Variants in CDC123 observed in about 807,000 individuals in gnomAD.
The protein encoded by CDC123 is translation initiation factor eIF2 assembly protein.
In CDC123, 37 loss-of-function variants were observed where a neutral mutation model predicts 54.4. The ratio of observed to expected loss-of-function variants is 0.68; its 90% confidence interval spans 0.52 to 0.89. The LOEUF (loss-of-function observed/expected upper bound fraction) is 0.89, where lower values mean the gene tolerates loss of function less well. Ranked by LOEUF, CDC123 falls within the 40% of genes least tolerant of loss-of-function variation. The pLI, the probability that CDC123 is intolerant of heterozygous loss-of-function variation, is 0.00. For missense variants in CDC123, 361 were observed against 412.1 expected (o/e 0.88, Z 1.07); for synonymous variants, 144 against 136.8 (o/e 1.05, Z -0.37).
chr10:12,242,398 A>T (rs117334547), intron 10 of CDC123, among the ~76,000 whole-genome samples: 5,232 of 152,074 alleles, frequency 0.034, 116 homozygotes, highest in African/African-American at 0.039. Flanking sequence ...CCATTGTTGG[A>T]TGGCTTTTGG....
chr10:12,238,338 A>G (rs1836006306), intron 9 of CDC123, 119 bp from the exon 10 acceptor site: 1 of 1,097,322 alleles, frequency 9.1e-7, no homozygotes, highest in African/African-American at 1.6e-5. Flanking sequence ...AGAAGCATGA[A>G]GTCCTCAGGG....
intron 10 of CDC123, 94 bp downstream of exon 10, chr10:12,238,579 C>T: frequency 6.8e-7 from 1 of 1,462,394 alleles, no homozygotes; most frequent in South Asian, 1.3e-5. Context: ...AGGATCCATG[C>T]TCAAAAAATA....
intron 4 of CDC123, among the ~76,000 whole-genome samples, chr10:12,212,391 CA>C (rs1399967953): frequency 1.3e-5 from 2 of 152,178 alleles, no homozygotes; most frequent in Admixed American, 1.3e-4. Flanking sequence ...TGTGACATGA[CA>C]AAAAGATGCC....
At chr10:12,232,684 A>G (rs1156244893) in intron 7 of CDC123, among the ~76,000 whole-genome samples, 1 of 152,194 alleles carries the variant, frequency 6.6e-6, no homozygotes, top group Non-Finnish European at 1.5e-5. Flanking sequence ...AACTTTATAT[A>G]ATATAGTCAC....
At chr10:12,239,434 C>T (rs372068981) in intron 10 of CDC123, among the ~76,000 whole-genome samples, 9 of 152,210 alleles carry the variant, frequency 5.9e-5, no homozygotes, top group Middle Eastern at 6.8e-3. Context: ...TTATTTTGGC[C>T]GGGTGCAGTG....
At chr10:12,219,561 C>A (rs1835706090) in intron 6 of CDC123, among the ~76,000 whole-genome samples, 2 of 152,128 alleles carry the variant, frequency 1.3e-5, no homozygotes, top group South Asian at 4.1e-4. Flanking sequence ...TAGGAGATAC[C>A]CTCTGAAAAA....
chr10:12,217,263 C>A, intron 5 of CDC123, 98 bp from the exon 6 acceptor site: 1 of 1,172,974 alleles, frequency 8.5e-7, no homozygotes, highest in Non-Finnish European at 1.2e-6. Context: ...TTCCTTAAAC[C>A]CTTGAAGTGA....
chr10:12,223,505 T>TG (rs1835764134), intron 6 of CDC123, among the ~76,000 whole-genome samples: 1 of 152,046 alleles, frequency 6.6e-6, no homozygotes, highest in South Asian at 2.1e-4. Context: ...AGGCTGGTCT[T>TG]GAACTCCTGA....
In CDC123 at chr10:12,196,198, G is replaced by A. The variant is rs1158626683; in HGVS notation, c.-48G>A. 3 of 1,613,346 alleles carry A rather than the reference G, an allele frequency of 1.9e-6. No homozygotes were observed. The highest frequency in any genetic ancestry group is 2.5e-6 in the Non-Finnish European group (3 of 1,179,786). ...CCGGGGCCGGCGCCCAGAGTTCCGG[G>A]AGGGTGCAGGCAGGAGAGGGAAAGG... On this transcript the variant is annotated 5_prime_UTR_variant, in exon 1 of 13. Coordinates refer to ENST00000281141, the MANE Select transcript of CDC123 (RefSeq NM_006023.3).
chr10:12,200,857 C>T (rs1314515963), intron 2 of CDC123, among the ~76,000 whole-genome samples: 1 of 151,958 alleles, frequency 6.6e-6, no homozygotes. Context: ...TACTTGAACG[C>T]AGGAGGTGGA....
chr10:12,219,355 G>C (rs1031435415), intron 6 of CDC123, among the ~76,000 whole-genome samples: 2 of 152,110 alleles, frequency 1.3e-5, no homozygotes, highest in African/African-American at 2.4e-5. Context: ...GTGTGTGTCT[G>C]TGTGTCTGTG....
At chr10:12,199,235 A>G (rs905403846) in intron 2 of CDC123, among the ~76,000 whole-genome samples, 1 of 152,226 alleles carries the variant, frequency 6.6e-6, no homozygotes, top group Non-Finnish European at 1.5e-5. Flanking sequence ...TATTTATAGA[A>G]TAAAGGGAAG....
chr10:12,218,373 G>A (rs1277204608), intron 6 of CDC123, among the ~76,000 whole-genome samples: 4 of 150,672 alleles, frequency 2.7e-5, no homozygotes, highest in East Asian at 2.0e-4. Context: ...CCAAGTAGCC[G>A]GGACTACAGG....
At position 12,231,009 on chromosome 10, in the gene CDC123, T is replaced by G; in HGVS notation, c.489+13T>G. ...TATAGAATATGAGGTAAGAAGCTTA[T>G]TTTCTTTGATAATTGTAGATGAAGA... is the stretch of plus-strand genomic sequence containing the variant. On this transcript the variant is annotated intron_variant, in intron 7 of 12. Coordinates refer to ENST00000281141, the MANE Select transcript of CDC123 (RefSeq NM_006023.3). 1 of 1,590,888 alleles carries G rather than the reference T, an allele frequency of 6.3e-7. No homozygotes were observed. Among genetic ancestry groups the G allele is most frequent in the Non-Finnish European group, 8.6e-7 (1 of 1,163,702 alleles).
chr10:12,204,945 A>G (rs553926867), intron 2 of CDC123, among the ~76,000 whole-genome samples: 1 of 144,372 alleles, frequency 6.9e-6, no homozygotes, highest in South Asian at 2.2e-4. Context: ...GTGAGCCGAG[A>G]TCGTGCCACT....
At chr10:12,234,226 C>T (rs1464595129) in intron 7 of CDC123, among the ~76,000 whole-genome samples, 2 of 152,216 alleles carry the variant, frequency 1.3e-5, no homozygotes, top group African/African-American at 4.8e-5. Context: ...TCCTTAGTAG[C>T]TGGGGCTACA....
rs1194059354 is a variant in CDC123 at position 12,246,327 on chromosome 10, C to A, written c.846+50C>A. On this transcript the variant is annotated intron_variant, in intron 11 of 12. Transcript: ENST00000281141. ...AATGTAAACCTTTCCAGTCTACTGACTGACTGCTTGTTCTTCAGACGCATA... is the reference window on the plus strand; with the variant it reads ...AATGTAAACCTTTCCAGTCTACTGAATGACTGCTTGTTCTTCAGACGCATA... 5 of 1,599,754 alleles carry A rather than the reference C, an allele frequency of 3.1e-6. No homozygotes were observed. The Admixed American group carries it at 8.4e-5, about 27-fold the overall frequency.
chr10:12,240,981 T>C (rs1230767935), intron 10 of CDC123, among the ~76,000 whole-genome samples: 1 of 152,184 alleles, frequency 6.6e-6, no homozygotes, highest in East Asian at 1.9e-4. Flanking sequence ...GTGAAATGTA[T>C]TTTAATGTTG....
chr10:12,246,287 T>G lies in CDC123; in HGVS notation c.846+10T>G. 6.2e-7 allele frequency: 1 copy of G among 1,613,924 alleles called. No individual in the cohort carries two copies. Among genetic ancestry groups the G allele is most frequent in the South Asian group, 1.1e-5 (1 of 91,048 alleles). On this transcript the variant is annotated intron_variant, in intron 11 of 12. Transcript: ENST00000281141. ...TGACGCTCAAGAGCAGGTACAACATTTTTAAGACAGATACAATGTAAACCT... is the reference window on the plus strand; with the variant it reads ...TGACGCTCAAGAGCAGGTACAACATGTTTAAGACAGATACAATGTAAACCT...
Sources: gnomAD v4.1 joint callset for allele counts (sites outside exome capture counted in the v4.1 genomes callset) on GRCh38, gnomAD v4.1.1 for gene constraint, MANE v1.5 for transcripts, NCBI Gene and HGNC (gene_info 2026-07-23, HGNC 2026-07-21) for gene names.